Variants in LY86 observed in about 807,000 individuals in gnomAD.
LY86 encodes lymphocyte antigen 86.
In LY86, 20 loss-of-function variants were observed where a neutral mutation model predicts 17.3. That is an observed-to-expected ratio of 1.15 (90% CI 0.81 to 1.68). LY86 has a LOEUF of 1.68. LY86 is among the 40% of genes most tolerant of loss of function. LY86 has a pLI of 0.00. For missense variants in LY86, 200 were observed against 191.9 expected (o/e 1.04, Z -0.25); for synonymous variants, 74 against 70.6 (o/e 1.05, Z -0.24).
intron 4 of LY86, among the ~76,000 whole-genome samples, chr6:6,652,920 G>A (rs1762209538): frequency 6.6e-6 from 1 of 152,196 alleles, no homozygotes; most frequent in Non-Finnish European, 1.5e-5. Flanking sequence ...ATTTGTAGGT[G>A]TGTGTCTAAA....
At chr6:6,596,548 A>G (rs1454966716) in intron 1 of LY86, among the ~76,000 whole-genome samples, 3 of 152,384 alleles carry the variant, frequency 2.0e-5, no homozygotes, top group East Asian at 1.9e-4. Flanking sequence ...ACAAATAGCT[A>G]GAGAGAAAGA....
intron 3 of LY86, among the ~76,000 whole-genome samples, chr6:6,638,879 A>G (rs541916966): frequency 1.4e-5 from 2 of 138,006 alleles, no homozygotes; most frequent in Admixed American, 8.2e-5. Context: ...TCATTGTTCA[A>G]TTCCCACCTA....
rs546070371 is a variant in LY86, at chr6:6,611,764, A to G, written c.137-13162A>G. Among the ~76,000 whole-genome samples, 3 of 152,078 alleles carry G rather than the reference A, an allele frequency of 2.0e-5. No individual in the cohort carries two copies. In the East Asian group the frequency reaches 5.8e-4, roughly 29 times the overall value. ...TAAATCACCTTTGTATCCCACATCT[A>G]GCACAGTGCCTATCAAACAGTACGG... On this transcript the variant is annotated intron_variant, in intron 1 of 4. Coordinates refer to ENST00000230568, the MANE Select transcript of LY86 (RefSeq NM_004271.4).
At chr6:6,590,118 TAAA>T (rs34637229) in intron 1 of LY86, among the ~76,000 whole-genome samples, 2,465 of 80,560 alleles carry the variant, frequency 0.031, 108 homozygotes, top group African/African-American at 0.11. Context: ...AACTCTGTCT[TAAA>T]AAAAAAAAAA....
intron 1 of LY86, among the ~76,000 whole-genome samples, chr6:6,606,462 C>T (rs546651660): frequency 2.6e-5 from 4 of 152,322 alleles, no homozygotes; most frequent in South Asian, 2.1e-4. Flanking sequence ...AGTCCCACAC[C>T]GCGCACCCGC....
intron 1 of LY86, chr6:6,620,699 TG>T (rs1761653464): frequency 6.6e-6 from 1 of 152,334 alleles, no homozygotes; most frequent in Admixed American, 6.5e-5. Flanking sequence ...CCTCGACAGC[TG>T]CCCAGGTCTA....
chr6:6,605,436 T>C (rs1380720963), intron 1 of LY86, among the ~76,000 whole-genome samples: 2 of 152,348 alleles, frequency 1.3e-5, no homozygotes, highest in Non-Finnish European at 2.9e-5. Context: ...AGATCCGCTT[T>C]CATGCCCACT....
intron 1 of LY86, among the ~76,000 whole-genome samples, chr6:6,623,751 A>G (rs1370168107): frequency 6.6e-6 from 1 of 152,224 alleles, no homozygotes; most frequent in East Asian, 1.9e-4. Flanking sequence ...CTCAGCTATT[A>G]GTACAAGGTA....
chr6:6,616,352 G>A (rs775312817), intron 1 of LY86, among the ~76,000 whole-genome samples: 4 of 152,088 alleles, frequency 2.6e-5, no homozygotes, highest in Admixed American at 6.5e-5. Context: ...TGTCTGCCTC[G>A]CTCATGTACT....
At chr6:6,596,483 T>A (rs1760717359) in intron 1 of LY86, among the ~76,000 whole-genome samples, 1 of 152,052 alleles carries the variant, frequency 6.6e-6, no homozygotes, top group African/African-American at 2.4e-5. Context: ...AATTTCTCTC[T>A]TCATTTATTT....
At chr6:6,616,380 C>G (rs571188141) in intron 1 of LY86, among the ~76,000 whole-genome samples, 3 of 152,306 alleles carry the variant, frequency 2.0e-5, no homozygotes, top group Admixed American at 2.0e-4. Flanking sequence ...GAGACCCGCA[C>G]AGCAACCAGG....
chr6:6,605,789 TC>T (rs1761106756), intron 1 of LY86, among the ~76,000 whole-genome samples: 2 of 152,222 alleles, frequency 1.3e-5, no homozygotes, highest in Admixed American at 6.5e-5. Flanking sequence ...GTGTTCAGTT[TC>T]TTCCTTTTGG....
chr6:6,609,150 T>C (rs1287643701), intron 1 of LY86, among the ~76,000 whole-genome samples: 4 of 152,202 alleles, frequency 2.6e-5, no homozygotes, highest in African/African-American at 9.7e-5. Context: ...CCCGGGATCC[T>C]ATTCCCGGAT....
intron 3 of LY86, among the ~76,000 whole-genome samples, chr6:6,644,202 G>A (rs1762078848): frequency 6.6e-6 from 1 of 152,222 alleles, no homozygotes; most frequent in Non-Finnish European, 1.5e-5. Flanking sequence ...ATCTGCGCTG[G>A]TTATTGAGAA....
At chr6:6,589,038 A>G (rs1367937313) in intron 1 of LY86, among the ~76,000 whole-genome samples, 168 bp downstream of exon 1, 4 of 152,200 alleles carry the variant, frequency 2.6e-5, no homozygotes, top group Admixed American at 6.5e-5. Flanking sequence ...CTTTTGGAAG[A>G]AGGAGCGGTG....
At position 6,590,615 on chromosome 6, in the gene LY86, G is replaced by GCC. The variant is rs552549922; in HGVS notation, c.136+1746_136+1747dup. The stretch of plus-strand genomic sequence containing the variant: ...AAGTGGGGAGCAACTCAGGAGCCCA[G>GCC]CCTCAGGATCACATCTGCTGTTAGA... On this transcript the variant is annotated intron_variant, in intron 1 of 4. Transcript: ENST00000230568. Among the ~76,000 whole-genome samples the GCC allele has an allele frequency of 1.7e-3, 257 of 152,292 alleles. 1 individual carries two copies. Among genetic ancestry groups the GCC allele is most frequent in the Non-Finnish European group, 2.7e-3 (186 of 68,016 alleles).
intron 1 of LY86, among the ~76,000 whole-genome samples, chr6:6,605,293 T>C (rs1214205601): frequency 3.3e-5 from 5 of 152,110 alleles, no homozygotes; most frequent in African/African-American, 9.7e-5. Context: ...TTTTTTCCTC[T>C]GGGGCAGGAA....
intron 1 of LY86, among the ~76,000 whole-genome samples, chr6:6,624,625 C>T (rs1266017799): frequency 1.3e-5 from 2 of 152,118 alleles, no homozygotes; most frequent in Non-Finnish European, 2.9e-5. Flanking sequence ...TAAAAAAATT[C>T]AGGCAATGAT....
chr6:6,605,797 T>C (rs4959390), intron 1 of LY86, among the ~76,000 whole-genome samples: 137,631 of 152,158 alleles, frequency 0.9, 62,296 homozygotes, highest in Middle Eastern at 0.98. Flanking sequence ...TTTCTTCCTT[T>C]TGGTGGGGTT....
Sources: gnomAD v4.1 joint callset for allele counts (sites outside exome capture counted in the v4.1 genomes callset) on GRCh38, gnomAD v4.1.1 for gene constraint, MANE v1.5 for transcripts, NCBI Gene and HGNC (gene_info 2026-07-23, HGNC 2026-07-21) for gene names.